RIMS1: variants seen among roughly 807,000 people sequenced by gnomAD.
The protein encoded by RIMS1 is regulating synaptic membrane exocytosis 1.
Under a neutral mutation model 214.1 loss-of-function variants are expected in RIMS1, and 83 were observed. The ratio of observed to expected loss-of-function variants is 0.39; its 90% CI spans 0.32 to 0.47. RIMS1 has a LOEUF of 0.47. Among genes scored for constraint, RIMS1 ranks in the 20% least tolerant of loss-of-function variants. The pLI is 0.99. For missense variants in RIMS1, 2,050 were observed against 2,161.8 expected, an observed-to-expected ratio of 0.95 and a Z score of 1.03; for synonymous variants, 793 against 786.8, an observed-to-expected ratio of 1.01 and a Z score of -0.13.
At chr6:71,948,898 A>C (rs1046498170) in intron 1 of RIMS1, among the ~76,000 whole-genome samples, 3 of 152,162 alleles carry the variant, frequency 2.0e-5, no homozygotes, top group Non-Finnish European at 4.4e-5. Flanking sequence ...TTATGTTTTC[A>C]GTCTTTAAAG....
chr6:72,273,822 C>T (rs530959125), intron 22 of RIMS1, among the ~76,000 whole-genome samples: 8 of 152,240 alleles, frequency 5.3e-5, no homozygotes, highest in African/African-American at 1.9e-4. Context: ...CTTCATGTCA[C>T]GGTTTCAACA....
intron 26 of RIMS1, among the ~76,000 whole-genome samples, chr6:72,300,609 A>T (rs1398251338): frequency 6.6e-6 from 1 of 151,752 alleles, no homozygotes; most frequent in Non-Finnish European, 1.5e-5. Context: ...TTTTTGTAAA[A>T]ATTGTATTTG....
intron 6 of RIMS1, among the ~76,000 whole-genome samples, chr6:72,217,840 G>A (rs2056841985): frequency 6.6e-6 from 1 of 152,320 alleles, no homozygotes; most frequent in East Asian, 1.9e-4. Flanking sequence ...AAGAAGGAAA[G>A]AGAAGTGTAA....
At chr6:72,109,790 G>C (rs2153818297) in intron 4 of RIMS1, among the ~76,000 whole-genome samples, 1 of 152,236 alleles carries the variant, frequency 6.6e-6, no homozygotes, top group South Asian at 2.1e-4. Flanking sequence ...CCTGTGTCCT[G>C]AATGGTAATG....
At chr6:72,196,373 G>GTTTGTCTATCTA (rs1183303526) in intron 6 of RIMS1, among the ~76,000 whole-genome samples, 153 of 102,424 alleles carry the variant, frequency 1.5e-3, no homozygotes, top group Admixed American at 6.8e-3. Flanking sequence ...CTGTCTGTCT[G>GTTTGTCTATCTA]TCTGTCTATC....
chr6:72,155,977 G>A, intron 4 of RIMS1: 1 of 234,312 alleles, frequency 4.3e-6, no homozygotes, highest in Non-Finnish European at 9.1e-6. Flanking sequence ...ACAAGTGTTG[G>A]TGAGGATATG....
intron 4 of RIMS1, among the ~76,000 whole-genome samples, chr6:72,126,154 CA>C (rs1366158731): frequency 1.2e-5 from 1 of 86,052 alleles, no homozygotes; most frequent in Admixed American, 1.4e-4. Context: ...ATAAAGCATA[CA>C]AGAACAAAAA....
chr6:72,330,917 A>T (rs902242966), intron 28 of RIMS1, among the ~76,000 whole-genome samples: 6 of 151,734 alleles, frequency 4.0e-5, no homozygotes, highest in African/African-American at 1.2e-4. Context: ...CTCATAAAAG[A>T]ATGCTTTTAA....
At chr6:72,348,964 C>T (rs1047551193) in intron 29 of RIMS1, among the ~76,000 whole-genome samples, 8 of 151,724 alleles carry the variant, frequency 5.3e-5, no homozygotes, top group Admixed American at 4.0e-4. Context: ...AGCAAAAATG[C>T]CCAGATTTTT....
intron 9 of RIMS1, among the ~76,000 whole-genome samples, chr6:72,241,929 C>T (rs138050584): frequency 5.2e-4 from 79 of 152,178 alleles, no homozygotes; most frequent in African/African-American, 1.8e-3. Context: ...AAAATAGAGC[C>T]GCCTACATTT....
intron 6 of RIMS1, chr6:72,213,227 G>A (rs2054179678): frequency 1.3e-6 from 2 of 1,534,912 alleles, no homozygotes; most frequent in Non-Finnish European, 8.7e-7. Flanking sequence ...TTGCTGGTAA[G>A]CAATAGATAA....
rs184114758 is a variant in RIMS1 at position 72,115,324 on chromosome 6, G to C, written c.471+15338G>C. ...TTTTATTAGAAAGAGCATCTATTGA[G>C]AATTCTGTGACCTAAATACATAATG... On this transcript the variant is annotated intron_variant, in intron 4 of 33. Coordinates refer to ENST00000521978, the MANE Select transcript of RIMS1 (RefSeq NM_014989.7). 8.6e-5 allele frequency among the ~76,000 whole-genome samples: 13 copies of C among 151,978 alleles called. No individual in the cohort carries two copies. In the East Asian group the frequency reaches 2.3e-3, roughly 27 times the overall value.
At chr6:72,290,989 C>A in intron 25 of RIMS1, 128 bp downstream of exon 25, 1 of 766,122 alleles carries the variant, frequency 1.3e-6, no homozygotes. Context: ...TTCTTTGTGA[C>A]ACTTAAATCT....
intron 4 of RIMS1, among the ~76,000 whole-genome samples, chr6:72,115,850 G>A (rs2036969570): frequency 1.3e-5 from 2 of 150,930 alleles, no homozygotes; most frequent in South Asian, 4.2e-4. Context: ...TTTTTTGCTT[G>A]CATTCACAGA....
intron 2 of RIMS1, among the ~76,000 whole-genome samples, chr6:72,076,250 ACTC>A: frequency 6.6e-6 from 1 of 152,306 alleles, no homozygotes; most frequent in African/African-American, 2.4e-5. Flanking sequence ...CGATGAGGAA[ACTC>A]AGTATATTAG....
At chr6:72,304,907 A>T (rs2154278542) in intron 26 of RIMS1, among the ~76,000 whole-genome samples, 1 of 152,058 alleles carries the variant, frequency 6.6e-6, no homozygotes, top group African/African-American at 2.4e-5. Flanking sequence ...TTTGATTGAG[A>T]GTCAGGGGAG....
intron 6 of RIMS1, among the ~76,000 whole-genome samples, chr6:72,231,112 C>T (rs1458224043): frequency 2.0e-5 from 3 of 151,576 alleles, no homozygotes; most frequent in African/African-American, 4.8e-5. Context: ...ATATTAGACT[C>T]TGAATATTTT....
intron 2 of RIMS1, among the ~76,000 whole-genome samples, chr6:72,027,623 T>C (rs1321365259): frequency 6.6e-6 from 1 of 152,088 alleles, no homozygotes; most frequent in Non-Finnish European, 1.5e-5. Flanking sequence ...CACTTGACTC[T>C]CTCTTCATTT....
At chr6:72,328,758 A>G (rs920273253) in intron 28 of RIMS1, among the ~76,000 whole-genome samples, 2 of 151,754 alleles carry the variant, frequency 1.3e-5, no homozygotes, top group Admixed American at 6.6e-5. Flanking sequence ...TTCTTTCAGT[A>G]TGCACAATAT....
Sources: gnomAD v4.1 joint callset for allele counts (sites outside exome capture counted in the v4.1 genomes callset) on GRCh38, gnomAD v4.1.1 for gene constraint, MANE v1.5 for transcripts, NCBI Gene and HGNC (gene_info 2026-07-23, HGNC 2026-07-21) for gene names.